KIAA1614: variants seen among roughly 807,000 people sequenced by gnomAD.
The protein encoded by KIAA1614 is KIAA1614.
KIAA1614 carries 76 observed loss-of-function variants against 88.7 expected under a neutral mutation model. The ratio of observed to expected loss-of-function variants is 0.86; its 90% CI spans 0.71 to 1.04. The LOEUF (loss-of-function observed/expected upper bound fraction) is 1.04, where lower values mean the gene tolerates loss of function less well. Among genes scored for constraint, KIAA1614 ranks in the 50% least tolerant of loss-of-function variants. The pLI is 0.00. For synonymous variants in KIAA1614, 714 were observed against 675.5 expected, an observed-to-expected ratio of 1.06 and a Z score of -0.88; for missense variants, 1,553 against 1,582.5, an observed-to-expected ratio of 0.98 and a Z score of 0.32.
At chr1:180,925,150 T>C (rs1034531155) in intron 3 of KIAA1614, among the ~76,000 whole-genome samples, 1 of 152,188 alleles carries the variant, frequency 6.6e-6, no homozygotes, top group Non-Finnish European at 1.5e-5. Flanking sequence ...GTCCTGTCCA[T>C]GTCCTGCAGA....
At chr1:180,934,392 C>T (rs2102268729) in intron 4 of KIAA1614, among the ~76,000 whole-genome samples, 1 of 151,968 alleles carries the variant, frequency 6.6e-6, no homozygotes, top group East Asian at 1.9e-4. Context: ...AGTTTGAGAC[C>T]AGCCTGGCCA....
At chr1:180,931,931 G>A (rs1453759141) in intron 4 of KIAA1614, among the ~76,000 whole-genome samples, 1 of 152,034 alleles carries the variant, frequency 6.6e-6, no homozygotes. Flanking sequence ...TGCCTGCATT[G>A]GGTCGGCTGG....
In KIAA1614 at chr1:180,936,395, G is replaced by T. The variant is rs1309467099; in HGVS notation, c.2486G>T (p.Gly829Val). Residue 829 changes from glycine to valine, a missense_variant, in exon 5 of 9, where the codon GGA becomes GTA. Transcript: ENST00000367588. ...PVSHRKAALA[G>V]LLRLGDQTEP... Reference sequence around the variant, plus strand: ...TCTCACAGGAAGGCAGCCCTGGCTGGACTGCTCAGGCTGGGTGACCAGACA... The same window carrying T: ...TCTCACAGGAAGGCAGCCCTGGCTGTACTGCTCAGGCTGGGTGACCAGACA... The T allele has an allele frequency of 1.9e-6, 3 of 1,614,230 alleles. No individual in the cohort carries two copies. Among genetic ancestry groups the T allele is most frequent in the Non-Finnish European group, 2.5e-6 (3 of 1,180,046 alleles).
At position 180,938,606 on chromosome 1, in the gene KIAA1614, C is replaced by A. The variant is rs372082964; in HGVS notation, c.2813C>A (p.Thr938Lys). Residue 938 changes from threonine (T) to lysine (K), a missense_variant, in exon 6 of 9, where the codon ACG becomes AAG. Transcript: ENST00000367588. Reference sequence around the variant, plus strand: ...GCAGATGTTGCCACCATCAACTCCACGGGCATCACCCTCTCCCTGTCCTCA... The same window carrying A: ...GCAGATGTTGCCACCATCAACTCCAAGGGCATCACCCTCTCCCTGTCCTCA... Reference protein sequence around the residue: ...GSADVATINSTGITLSLSSEE... With the variant: ...GSADVATINSKGITLSLSSEE... 4.3e-6 allele frequency: 7 copies of A among 1,614,096 alleles called. No homozygotes were observed. Among genetic ancestry groups the A allele is most frequent in the Non-Finnish European group, 1.7e-6 (2 of 1,179,964 alleles).
intron 7 of KIAA1614, among the ~76,000 whole-genome samples, chr1:180,941,847 C>T (rs1184731532): frequency 2.0e-5 from 3 of 152,130 alleles, no homozygotes; most frequent in Non-Finnish European, 2.9e-5. Context: ...GCTTTCATCC[C>T]TCCTCATTCT....
rs772409335 is a variant in KIAA1614 at position 180,916,633 on chromosome 1, G to A, written c.530G>A (p.Arg177His). ...PRLPRPPAPG[R>H]EYCNRGSPWP... Reference sequence around the variant, plus strand: ...CTTCCCAGGCCGCCTGCCCCTGGACGTGAGTACTGCAACAGGGGGAGCCCG... The same window carrying A: ...CTTCCCAGGCCGCCTGCCCCTGGACATGAGTACTGCAACAGGGGGAGCCCG... Residue 177 changes from arginine (R) to histidine (H), a missense_variant, in exon 2 of 9, where the codon CGT (arginine) becomes CAT (histidine). By Grantham distance (29) the Arg-to-His change is conservative. Transcript: ENST00000367588. 6 of 1,602,348 alleles carry A rather than the reference G, an allele frequency of 3.7e-6. No individual in the cohort carries two copies. Among genetic ancestry groups the A allele is most frequent in the East Asian group, 2.2e-5 (1 of 44,716 alleles).
intron 3 of KIAA1614, among the ~76,000 whole-genome samples, chr1:180,922,407 G>A (rs918764040): frequency 2.0e-5 from 3 of 152,082 alleles, no homozygotes; most frequent in Admixed American, 6.5e-5. Flanking sequence ...GAGTGATCGA[G>A]GACCAAAACA....
chr1:180,935,175 C>A lies in KIAA1614; in HGVS notation c.1266C>A (p.Leu422=). 6.8e-7 allele frequency: 1 copy of A among 1,473,164 alleles called. No individual in the cohort carries two copies. Among genetic ancestry groups the A allele is most frequent in the South Asian group, 1.4e-5 (1 of 69,178 alleles). The allele number at this position is 1,473,164 out of a possible 1,614,324, so 91.3% of individuals were successfully genotyped here. ...CGACCCCTGCCTGCAGAGACAGCCT[C>A]CAGAACGGGCACACGAGCGATTCCT... ...PRTTPACRDS[L]QNGHTSDSSS... is the part of the protein sequence containing the mutation. The change falls in exon 5 of 9, where the codon CTC becomes CTA. Residue 422 remains leucine, a synonymous_variant. Transcript: ENST00000367588. The surrounding 1 kb of genome is among the most constrained non-coding windows in gnomAD (Gnocchi z 6.1).
chr1:180,946,672 CT>C lies in KIAA1614; in HGVS notation c.*1085del, dbSNP rs1654603916. 1.3e-5 allele frequency: 2 copies of C among 152,260 alleles called. No homozygotes were observed. The highest frequency in any genetic ancestry group is 2.9e-5 in the Non-Finnish European group (2 of 68,060). The allele number at this position is 152,260 out of a possible 1,614,324, so 9.4% of individuals were successfully genotyped here. A position where few individuals can be genotyped will look rare whatever the true frequency, so the allele number is the denominator to read the frequency against. ...CACAGAAGCCTGCTGCGGCCGGGCT[CT>C]GCCGATGGGGGGTTGAGTCCTGTGC... On this transcript the variant is annotated 3_prime_UTR_variant, in exon 9 of 9. Transcript: ENST00000367588.
chr1:180,926,726 C>T (rs1054075340), intron 3 of KIAA1614, among the ~76,000 whole-genome samples: 3 of 152,222 alleles, frequency 2.0e-5, no homozygotes, highest in Non-Finnish European at 4.4e-5. Flanking sequence ...TGCAGGGGCG[C>T]CTCTCCGGGC....
intron 4 of KIAA1614, among the ~76,000 whole-genome samples, chr1:180,932,607 G>A (rs1220595396): frequency 6.6e-6 from 1 of 152,208 alleles, no homozygotes; most frequent in African/African-American, 2.4e-5. Flanking sequence ...CAGGCTGACC[G>A]ACACCTCTTC....
chr1:180,927,063 G>T (rs1158337863), intron 3 of KIAA1614, among the ~76,000 whole-genome samples: 3 of 152,164 alleles, frequency 2.0e-5, no homozygotes, highest in East Asian at 3.9e-4. Flanking sequence ...AACAAGAAAA[G>T]AAATCATAGT....
chr1:180,916,958 C>T lies in KIAA1614; in HGVS notation c.855C>T (p.Gly285=), dbSNP rs745794508. The part of the protein sequence containing the change: ...RWRAGDLEAL[G]AGSSVLSLSD... ...GAGCTGGAGACCTGGAGGCTCTGGG[C>T]GCTGGGAGCAGTGTCTTGTCCCTGT... The change falls in exon 2 of 9, where the codon GGC becomes GGT. Residue 285 remains glycine, a synonymous_variant. Transcript: ENST00000367588. 34 of 1,614,054 alleles carry T rather than the reference C, an allele frequency of 2.1e-5. No homozygotes were observed. The highest frequency in any genetic ancestry group is 8.3e-5 in the Admixed American group (5 of 60,010).
rs1654307832 is a variant in KIAA1614 at position 180,935,559 on chromosome 1, G to A, written c.1650G>A (p.Gln550=). The change falls in exon 5 of 9, where the codon CAG becomes CAA. Residue 550 remains glutamine (Q), a synonymous_variant. Coordinates refer to ENST00000367588, the MANE Select transcript of KIAA1614 (RefSeq NM_020950.2). The surrounding 1 kb of genome is among the most constrained non-coding windows in gnomAD (Gnocchi z 6.1). ...GSCIDDPRPA[Q]GKAPPVPRTL... is the part of the protein sequence containing the mutation. Reference sequence around the variant, plus strand: ...GCATCGACGACCCGCGCCCCGCCCAGGGGAAGGCGCCCCCCGTCCCCAGGA... The same window carrying A: ...GCATCGACGACCCGCGCCCCGCCCAAGGGAAGGCGCCCCCCGTCCCCAGGA... 1 of 1,600,342 alleles carries A rather than the reference G, an allele frequency of 6.2e-7. No homozygotes were observed. Among genetic ancestry groups the A allele is most frequent in the Non-Finnish European group, 8.5e-7 (1 of 1,174,126 alleles).
At chr1:180,941,647 G>A (rs1454368849) in intron 7 of KIAA1614, among the ~76,000 whole-genome samples, 3 of 152,178 alleles carry the variant, frequency 2.0e-5, no homozygotes, top group African/African-American at 4.8e-5. Flanking sequence ...CACTTCCCAC[G>A]TGGATTCCCT....
chr1:180,936,163 C>G lies in KIAA1614; in HGVS notation c.2254C>G (p.Pro752Ala). ...PCRTAYATTA[P>A]MTPESSGPGG... ...CAGGACAGCCTATGCCACCACCGCC[C>G]CCATGACGCCTGAATCATCGGGGCC... The change falls in exon 5 of 9, where the codon CCC (proline) becomes GCC (alanine). Residue 752 changes from proline to alanine, a missense_variant. By Grantham distance (27) the Pro-to-Ala change is conservative. Coordinates refer to ENST00000367588, the MANE Select transcript of KIAA1614 (RefSeq NM_020950.2). The G allele has an allele frequency of 6.2e-7, 1 of 1,614,158 alleles. No individual in the cohort carries two copies. The highest frequency in any genetic ancestry group is 1.1e-5 in the South Asian group (1 of 91,078).
rs764375654 is a variant in KIAA1614 at position 180,935,199 on chromosome 1, C to G, written c.1290C>G (p.Ser430=). The change falls in exon 5 of 9, where the codon TCC becomes TCG. Residue 430 remains serine, a synonymous_variant. Coordinates refer to ENST00000367588, the MANE Select transcript of KIAA1614 (RefSeq NM_020950.2). This position sits in a 1 kb window ranked among gnomAD's most constrained non-coding sequence, Gnocchi z 6.1. ...TCCAGAACGGGCACACGAGCGATTC[C>G]TCCAGCGGAGAGTCCAGCGGTGGGC... The part of the protein sequence containing the change: ...DSLQNGHTSD[S]SSGESSGGHR... 10 of 1,503,430 alleles carry G rather than the reference C, an allele frequency of 6.7e-6. No homozygotes were observed. The highest frequency in any genetic ancestry group is 8.9e-6 in the Non-Finnish European group (10 of 1,127,406). The allele number at this position is 1,503,430 out of a possible 1,614,324, so 93.1% of individuals were successfully genotyped here.
In KIAA1614 at chr1:180,945,482, ACT is replaced by A. The variant is rs1226380633; in HGVS notation, c.3469_3470del (p.Ser1157ArgfsTer16). The A allele has an allele frequency of 8.1e-6, 13 of 1,612,896 alleles. No homozygotes were observed. Among genetic ancestry groups the A allele is most frequent in the Non-Finnish European group, 1.1e-5 (13 of 1,179,810 alleles). ...GTGGCCTCTGGGAATGGGCGCCCAG[ACT>A]CAGGTATGCCCTCTCCTCTTCCTCA... On this transcript the variant is annotated frameshift_variant, in exon 9 of 9. Transcript: ENST00000367588. LOFTEE classifies it low-confidence loss of function (END_TRUNC).
rs1654567771 is a variant in KIAA1614 at position 180,945,363 on chromosome 1, G to A, written c.3348G>A (p.Leu1116=). 1 of 1,598,780 alleles carries A rather than the reference G, an allele frequency of 6.3e-7. No homozygotes were observed. The highest frequency in any genetic ancestry group is 1.4e-5 in the African/African-American group (1 of 73,942). The change falls in exon 9 of 9, where the codon CTG becomes CTA. Residue 1116 remains leucine (L), a synonymous_variant. Coordinates refer to ENST00000367588, the MANE Select transcript of KIAA1614 (RefSeq NM_020950.2). ...LSVEDVGAPS[L]ARTVGRLVEV... is the part of the protein sequence containing the mutation. ...TGGAGGACGTGGGTGCTCCCAGCCT[G>A]GCTCGCACCGTGGGCCGCCTGGTGG...
Sources: allele counts gnomAD v4.1 joint callset (sites outside exome capture counted in the v4.1 genomes callset), GRCh38; gene constraint gnomAD v4.1.1; non-coding constraint Gnocchi (gnomAD v3.1); transcripts MANE v1.5; gene names NCBI Gene and HGNC (gene_info 2026-07-23, HGNC 2026-07-21).